PJA1: variants seen among roughly 807,000 people sequenced by gnomAD.
PJA1 encodes praja ring finger ubiquitin ligase 1.
Under a neutral mutation model 14.1 loss-of-function variants are expected in PJA1, and 5 were observed. That is an observed-to-expected ratio of 0.35 (90% CI 0.18 to 0.74). The LOEUF is 0.74. Ranked by LOEUF, PJA1 falls within the 30% of genes least tolerant of loss-of-function variation. The pLI is 0.56. For missense variants in PJA1, 394 were observed against 482.6 expected (o/e 0.82, Z 1.72); for synonymous variants, 174 against 190.9 (o/e 0.91, Z 0.73).
rs1325569539 is a variant in PJA1, at chrX:69,162,634, C to T, written c.440G>A (p.Ser147Asn). ...ASRADFLPQS[S>N]VASQSSSEGK... ...TTCAGAAGACGACTGTGAGGCCACA[C>T]TACTTTGTGGCAGGAAGTCAGCTCT... Residue 147 changes from serine to asparagine, a missense_variant, in exon 2 of 2, where the codon AGT becomes AAT. Physicochemically the swap from Ser to Asn is conservative, Grantham distance 46. Around this residue, in one of 2 missense-constraint regions of PJA1, gnomAD observed 378 missense variants for 439.3 expected, o/e 0.86. Coordinates refer to ENST00000374571, the MANE Select transcript of PJA1 (RefSeq NM_001032396.4). 3 of 1,209,376 alleles carry T rather than the reference C, an allele frequency of 2.5e-6. No individual in the cohort carries two copies. Among genetic ancestry groups the T allele is most frequent in the Non-Finnish European group, 3.4e-6 (3 of 895,046 alleles).
At chrX:69,163,342 A>G in intron 1 of PJA1, 1 of 875,155 alleles carries the variant, frequency 1.1e-6, no homozygotes, top group Admixed American at 3.4e-5. Flanking sequence ...AGTTTAGAAT[A>G]AAGGAGCAGG....
Position 69,163,070 on chromosome X carries a change from G to T in PJA1, c.4C>A (p.His2Asn). ...GTGGTTTGACTGGGGGCTGATCTGT[G>T]CATTGGGACTTCGGAGTTCGTCTTT... M[H>N]RSAPSQTTKR... is the part of the protein sequence containing the mutation. The change falls in exon 2 of 2, where the codon CAC becomes AAC. Residue 2 changes from histidine to asparagine, a missense_variant. By Grantham distance (68) the His-to-Asn change is moderately conservative (BLOSUM62 1). This residue lies in a region of PJA1 where 378 missense variants were observed against 439.3 expected (regional missense o/e 0.86). Coordinates refer to ENST00000374571, the MANE Select transcript of PJA1 (RefSeq NM_001032396.4). 8.3e-7 allele frequency: 1 copy of T among 1,211,590 alleles called. No homozygotes were observed. Among genetic ancestry groups the T allele is most frequent in the Non-Finnish European group, 1.1e-6 (1 of 895,547 alleles).
intron 1 of PJA1, among the ~76,000 whole-genome samples, chrX:69,164,282 C>T (rs6624385): frequency 0.28 from 30,489 of 107,402 alleles, 3,955 homozygotes; most frequent in East Asian, 0.76. Context: ...TATGTGAGTG[C>T]GAGTGTGTGC....
rs771125693 is a variant in PJA1, at chrX:69,162,359, C to T, written c.715G>A (p.Ala239Thr). The T allele has an allele frequency of 8.8e-5, 106 of 1,208,678 alleles. 1 individual carries two copies. The highest frequency in any genetic ancestry group is 1.5e-4 in the East Asian group (5 of 33,689). Residue 239 changes from alanine (A) to threonine (T), a missense_variant, in exon 2 of 2, where the codon GCC becomes ACC. Coordinates refer to ENST00000374571, the MANE Select transcript of PJA1 (RefSeq NM_001032396.4). ...PHSTSRWRDT[A>T]NDNEGHSDGL... ...TCCGAGTGGCCCTCATTGTCATTGG[C>T]GGTATCCCTCCACCTGGAAGTACTG...
chrX:69,162,568 C>T lies in PJA1; in HGVS notation c.506G>A (p.Arg169Lys). The T allele has an allele frequency of 8.3e-7, 1 of 1,211,189 alleles. No homozygotes were observed. Among genetic ancestry groups the T allele is most frequent in the Non-Finnish European group, 1.1e-6 (1 of 895,494 alleles). ...ATKGDSSERE[R>K]REQNLPARPS... Reference sequence around the variant, plus strand: ...ACGTGCAGGTAAATTTTGCTCCCTTCTCTCCCTCTCCGAGCTGTCACCTTT... The same window carrying T: ...ACGTGCAGGTAAATTTTGCTCCCTTTTCTCCCTCTCCGAGCTGTCACCTTT... The change falls in exon 2 of 2, where the codon AGA (arginine) becomes AAA (lysine). Residue 169 changes from arginine to lysine, a missense_variant. Physicochemically the swap from Arg to Lys is conservative, Grantham distance 26. Coordinates refer to ENST00000374571, the MANE Select transcript of PJA1 (RefSeq NM_001032396.4).
rs753484382 is a variant in PJA1 at position 69,162,337 on chromosome X, G to A, written c.737C>T (p.Ser246Leu). ...RDTANDNEGH[S>L]DGLARRGRGE... ...TCTCCCTCTTCTTGCCAGGCCATCC[G>A]AGTGGCCCTCATTGTCATTGGCGGT... The change falls in exon 2 of 2, where the codon TCG becomes TTG. Residue 246 changes from serine (S) to leucine (L), a missense_variant. Around this residue, in one of 2 missense-constraint regions of PJA1, gnomAD observed 378 missense variants for 439.3 expected, o/e 0.86. Transcript: ENST00000374571. 5.8e-6 allele frequency: 7 copies of A among 1,211,064 alleles called. No individual in the cohort carries two copies. The South Asian group carries it at 7.0e-5, about 12-fold the overall frequency.
In PJA1 at chrX:69,162,499, G is replaced by T; in HGVS notation, c.575C>A (p.Thr192Asn). 8.3e-7 allele frequency: 1 copy of T among 1,211,701 alleles called. No homozygotes were observed. The highest frequency in any genetic ancestry group is 1.1e-6 in the Non-Finnish European group (1 of 895,549). Residue 192 changes from threonine (T) to asparagine (N), a missense_variant, in exon 2 of 2, where the codon ACC becomes AAC. By Grantham distance (65) the Thr-to-Asn change is moderately conservative. Around this residue, in one of 2 missense-constraint regions of PJA1, gnomAD observed 378 missense variants for 439.3 expected, o/e 0.86. Transcript: ENST00000374571. ...CACAGGTTCCTCTGCACTCTTTGAG[G>T]TGTTTTCCCCACCACCACAAATACT... ...PVSICGGGENTSKSAEEPVVR... is the reference protein window; with the variant it reads ...PVSICGGGENNSKSAEEPVVR...
rs1001541505 is a variant in PJA1, at chrX:69,162,046, C to T, written c.1028G>A (p.Gly343Glu). The change falls in exon 2 of 2, where the codon GGG (glycine) becomes GAG (glutamate). Residue 343 changes from glycine to glutamate, a missense_variant. By Grantham distance (98) the Gly-to-Glu change is moderately conservative (BLOSUM62 -2). Around this residue, in one of 2 missense-constraint regions of PJA1, gnomAD observed 378 missense variants for 439.3 expected, o/e 0.86. Transcript: ENST00000374571. ...CTGTGGAGGTTCCCGCTCTTCTTTC[C>T]CCGGCAGAGTCTCCCAGCTTTCGCC... ...SSGESWETLPGKEEREPPQAK... is the reference protein window; with the variant it reads ...SSGESWETLPEKEEREPPQAK... The T allele has an allele frequency of 8.3e-7, 1 of 1,208,580 alleles. No homozygotes were observed. Among genetic ancestry groups the T allele is most frequent in the Non-Finnish European group, 1.1e-6 (1 of 894,800 alleles).
chrX:69,163,837 T>C (rs761061764), intron 1 of PJA1, among the ~76,000 whole-genome samples: 7 of 110,590 alleles, frequency 6.3e-5, no homozygotes, highest in Non-Finnish European at 1.1e-4. Context: ...GGTATGAGTG[T>C]TAGAATGAGA....
At chrX:69,164,973 A>G (rs1250966238) in intron 1 of PJA1, among the ~76,000 whole-genome samples, 1 of 111,836 alleles carries the variant, frequency 8.9e-6, no homozygotes, top group African/African-American at 3.3e-5. Context: ...AAACAACAGC[A>G]AAATATGGGA....
chrX:69,164,857 G>T (rs928430164), intron 1 of PJA1, among the ~76,000 whole-genome samples: 1 of 111,131 alleles, frequency 9.0e-6, no homozygotes, highest in Non-Finnish European at 1.9e-5. Context: ...AAAGAAAAGG[G>T]CGTGCGTGGG....
At position 69,161,155 on chromosome X, in the gene PJA1, T is replaced by C. The variant is rs767388719; in HGVS notation, c.*152A>G. ...TTTTTAATGCAATCATACACAACTGTTTTCACATTGGAAATAATCACGAGG... is the reference window on the plus strand; with the variant it reads ...TTTTTAATGCAATCATACACAACTGCTTTCACATTGGAAATAATCACGAGG... On this transcript the variant is annotated 3_prime_UTR_variant, in exon 2 of 2. Coordinates refer to ENST00000374571, the MANE Select transcript of PJA1 (RefSeq NM_001032396.4). The C allele has an allele frequency of 1.1e-6, 1 of 869,815 alleles. No individual in the cohort carries two copies. The allele number at this position is 869,815 out of a possible 1,213,427, so 71.7% of individuals were successfully genotyped here.
chrX:69,162,998 C>T lies in PJA1; in HGVS notation c.76G>A (p.Asp26Asn), dbSNP rs772771612. 25 of 1,208,726 alleles carry T rather than the reference C, an allele frequency of 2.1e-5. No individual in the cohort carries two copies. In the Admixed American group the frequency reaches 3.3e-4, roughly 16 times the overall value. ...AGGTTGGTTCCCGAACTCTCGCTGT[C>T]GTCCCAACTACGACGAGTAGTGGAA... ...PFSTTRRSWDDSESSGTNLNI... is the reference protein window; with the variant it reads ...PFSTTRRSWDNSESSGTNLNI... The change falls in exon 2 of 2, where the codon GAC (aspartate) becomes AAC (asparagine). Residue 26 changes from aspartate to asparagine, a missense_variant. This residue lies in a region of PJA1 where 378 missense variants were observed against 439.3 expected (regional missense o/e 0.86). Transcript: ENST00000374571.
At position 69,161,837 on chromosome X, in the gene PJA1, C is replaced by T; in HGVS notation, c.1237G>A (p.Glu413Lys). ...TCCCCCTCACTGCTACTGTCATTCT[C>T]ATGGTACTGGAGCCAAGGAATTTCT... ...EGEIPWLQYH[E>K]NDSSSEGDND... is the part of the protein sequence containing the mutation. The change falls in exon 2 of 2, where the codon GAG becomes AAG. Residue 413 changes from glutamate to lysine, a missense_variant. By Grantham distance (56) the Glu-to-Lys change is moderately conservative. This residue lies in a region of PJA1 where 378 missense variants were observed against 439.3 expected (regional missense o/e 0.86). Transcript: ENST00000374571. The T allele has an allele frequency of 8.3e-7, 1 of 1,211,692 alleles. No individual in the cohort carries two copies. The highest frequency in any genetic ancestry group is 1.1e-6 in the Non-Finnish European group (1 of 895,467).
At position 69,162,471 on chromosome X, in the gene PJA1, G is replaced by A. The variant is rs1414819373; in HGVS notation, c.603C>T (p.Val201=). Residue 201 remains valine, a synonymous_variant, in exon 2 of 2, where the codon GTC becomes GTT. Transcript: ENST00000374571. ...NTSKSAEEPV[V]RPKIRNLASP... ...TTGCCAGGTTTCTGATTTTGGGCCT[G>A]ACCACAGGTTCCTCTGCACTCTTTG... is the stretch of plus-strand genomic sequence containing the variant. 2 of 1,209,525 alleles carry A rather than the reference G, an allele frequency of 1.7e-6. No homozygotes were observed. Among genetic ancestry groups the A allele is most frequent in the Non-Finnish European group, 2.2e-6 (2 of 895,240 alleles).
chrX:69,163,317 T>C, intron 1 of PJA1, 177 bp from the exon 2 acceptor site: 1 of 1,021,762 alleles, frequency 9.8e-7, no homozygotes, highest in South Asian at 2.3e-5. Context: ...GTTTTTGAGA[T>C]GGGAAAGTAA....
In PJA1 at chrX:69,161,273, A is replaced by G; in HGVS notation, c.*34T>C. 1.8e-6 allele frequency: 2 copies of G among 1,119,638 alleles called. No homozygotes were observed. The highest frequency in any genetic ancestry group is 2.4e-6 in the Non-Finnish European group (2 of 850,267). The allele number at this position is 1,119,638 out of a possible 1,213,427, so 92.3% of individuals were successfully genotyped here. ...CAGTATTGTGGATTTCAGATGGGGA[A>G]AATAATCAGACCAGGAGTAAACGGC... On this transcript the variant is annotated 3_prime_UTR_variant, in exon 2 of 2. Coordinates refer to ENST00000374571, the MANE Select transcript of PJA1 (RefSeq NM_001032396.4).
rs142900515 is a variant in PJA1 at position 69,163,383 on chromosome X, A to G, written c.-67-243T>C. 963 of 629,006 alleles carry G rather than the reference A, an allele frequency of 1.5e-3. 12 individuals are homozygous for G. In the African/African-American group the frequency reaches 0.019, roughly 12 times the overall value. 51.8% of individuals were successfully genotyped at this position (629,006 alleles called of 1,213,427 possible). A position where few individuals can be genotyped will look rare whatever the true frequency, so the allele number is the denominator to read the frequency against. On this transcript the variant is annotated intron_variant, in intron 1 of 1. Coordinates refer to ENST00000374571, the MANE Select transcript of PJA1 (RefSeq NM_001032396.4). The stretch of plus-strand genomic sequence containing the variant: ...TTATTTTCACTTCAGCAGGCAGGTA[A>G]CAGAAAGAATAAGGGGCCTTTAAAA...
At position 69,162,345 on chromosome X, in the gene PJA1, C is replaced by G. The variant is rs371901662; in HGVS notation, c.729G>C (p.Glu243Asp). 1 of 1,211,325 alleles carries G rather than the reference C, an allele frequency of 8.3e-7. No homozygotes were observed. Among genetic ancestry groups the G allele is most frequent in the African/African-American group, 1.7e-5 (1 of 57,652 alleles). Residue 243 changes from glutamate (E) to aspartate (D), a missense_variant, in exon 2 of 2, where the codon GAG becomes GAC. Physicochemically the swap from Glu to Asp is conservative, Grantham distance 45. Around this residue, in one of 2 missense-constraint regions of PJA1, gnomAD observed 378 missense variants for 439.3 expected, o/e 0.86. Coordinates refer to ENST00000374571, the MANE Select transcript of PJA1 (RefSeq NM_001032396.4). ...TTCTTGCCAGGCCATCCGAGTGGCC[C>G]TCATTGTCATTGGCGGTATCCCTCC... ...SRWRDTANDN[E>D]GHSDGLARRG...
Sources: allele counts gnomAD v4.1 joint callset (sites outside exome capture counted in the v4.1 genomes callset), GRCh38; gene constraint gnomAD v4.1.1; regional missense constraint gnomAD v4.1.1; transcripts MANE v1.5; gene names NCBI Gene and HGNC (gene_info 2026-07-23, HGNC 2026-07-21).